The following MCC variants were observed in gnomAD, a reference collection of about 807,000 sequenced individuals.
MCC encodes the protein colorectal mutant cancer protein.
In MCC, 90 loss-of-function variants were observed where a neutral mutation model predicts 116.2. That is an observed-to-expected ratio of 0.77 (90% CI 0.65 to 0.92). The LOEUF is 0.92. Ranked by LOEUF, MCC falls within the 40% of genes least tolerant of loss-of-function variation. MCC has a pLI of 0.00. For missense variants in MCC, 1,516 were observed against 1,312.2 expected (o/e 1.16, Z -2.40); for synonymous variants, 578 against 510.5 (o/e 1.13, Z -1.78).
chr5:113,104,754 A>C (rs189598679), intron 6 of MCC: 91 of 159,504 alleles, frequency 5.7e-4, no homozygotes, highest in African/African-American at 2.0e-3. Context: ...AAGTCTCAGA[A>C]TGAGCAGAGA....
At chr5:113,451,861 C>T (rs1195301066) in intron 1 of MCC, among the ~76,000 whole-genome samples, 1 of 152,232 alleles carries the variant, frequency 6.6e-6, no homozygotes, top group Non-Finnish European at 1.5e-5. Flanking sequence ...CTTAAAAAAT[C>T]AGTGTGTTTA....
At chr5:113,294,447 C>T in intron 3 of MCC, 1 of 1,608,920 alleles carries the variant, frequency 6.2e-7, no homozygotes, top group African/African-American at 1.3e-5. Context: ...AGTTGGACTT[C>T]ACAGGCTCAA....
intron 3 of MCC, among the ~76,000 whole-genome samples, chr5:113,229,191 G>A (rs569569077): frequency 2.3e-4 from 35 of 152,204 alleles, no homozygotes; most frequent in Non-Finnish European, 4.6e-4. Context: ...CTGAAGAATC[G>A]GCAGAGACGA....
chr5:113,068,787 C>G (rs1025373149), intron 12 of MCC, among the ~76,000 whole-genome samples: 1 of 152,198 alleles, frequency 6.6e-6, no homozygotes, highest in African/African-American at 2.4e-5. Flanking sequence ...GTGAGTGAGC[C>G]TTCTTAGAGC....
intron 2 of MCC, among the ~76,000 whole-genome samples, chr5:113,349,912 T>C (rs779856112): frequency 6.6e-6 from 1 of 151,790 alleles, no homozygotes; most frequent in African/African-American, 2.4e-5. Flanking sequence ...ACAATCTGAA[T>C]AAAAATTTAA....
chr5:113,186,281 A>C, intron 3 of MCC, among the ~76,000 whole-genome samples: 1 of 151,772 alleles, frequency 6.6e-6, no homozygotes, highest in Admixed American at 6.5e-5. Flanking sequence ...GAACTTGAAA[A>C]CACAGTAAGT....
chr5:113,356,031 T>C (rs1768402090), intron 2 of MCC, among the ~76,000 whole-genome samples: 1 of 150,730 alleles, frequency 6.6e-6, no homozygotes, highest in Admixed American at 6.7e-5. Context: ...CTACAACAAC[T>C]ATTGGGTCCT....
intron 11 of MCC, among the ~76,000 whole-genome samples, chr5:113,082,404 G>C (rs1200630466): frequency 6.6e-6 from 1 of 152,216 alleles, no homozygotes; most frequent in East Asian, 1.9e-4. Context: ...AGTGCCTCTA[G>C]GATGCTGACT....
At chr5:113,252,504 C>G (rs1453316096) in intron 3 of MCC, among the ~76,000 whole-genome samples, 2 of 152,180 alleles carry the variant, frequency 1.3e-5, no homozygotes, top group African/African-American at 4.8e-5. Context: ...GCCATCACCC[C>G]CAGATGGGAC....
chr5:113,217,707 C>T (rs747184961), intron 3 of MCC, among the ~76,000 whole-genome samples: 60 of 152,262 alleles, frequency 3.9e-4, no homozygotes, highest in Non-Finnish European at 7.4e-4. Flanking sequence ...TCTGATGCTC[C>T]GGTTGCATGA....
At chr5:113,131,579 C>T (rs1758429980) in intron 5 of MCC, among the ~76,000 whole-genome samples, 1 of 152,132 alleles carries the variant, frequency 6.6e-6, no homozygotes, top group Non-Finnish European at 1.5e-5. Flanking sequence ...TAGTTCCATG[C>T]CTGCAAAATT....
intron 5 of MCC, among the ~76,000 whole-genome samples, chr5:113,135,507 C>G (rs576781754): frequency 1.5e-4 from 22 of 143,104 alleles, no homozygotes; most frequent in African/African-American, 4.7e-4. Flanking sequence ...TGAAGTGAAC[C>G]GAGATCGTGC....
intron 1 of MCC, among the ~76,000 whole-genome samples, chr5:113,392,397 G>A (rs1769423599): frequency 6.6e-6 from 1 of 152,026 alleles, no homozygotes; most frequent in Admixed American, 6.5e-5. Context: ...AGTATCTAAT[G>A]GATTGCCAAA....
chr5:113,055,486 T>A (rs552840456), intron 14 of MCC, among the ~76,000 whole-genome samples: 7 of 152,154 alleles, frequency 4.6e-5, no homozygotes, highest in Non-Finnish European at 7.4e-5. Flanking sequence ...TGGCTGGAGC[T>A]TTGCTGTTCA....
At chr5:113,175,887 C>A (rs1761308144) in intron 3 of MCC, among the ~76,000 whole-genome samples, 1 of 151,202 alleles carries the variant, frequency 6.6e-6, no homozygotes, top group Non-Finnish European at 1.5e-5. Flanking sequence ...CAGCATAGAT[C>A]TAGATTAAAA....
intron 3 of MCC, among the ~76,000 whole-genome samples, chr5:113,263,754 G>A (rs1765303006): frequency 1.3e-5 from 2 of 152,274 alleles, no homozygotes; most frequent in South Asian, 4.2e-4. Context: ...ATCTCCAGGA[G>A]CATCTTAATT....
At chr5:113,183,841 G>A (rs916521883) in intron 3 of MCC, among the ~76,000 whole-genome samples, 1 of 152,124 alleles carries the variant, frequency 6.6e-6, no homozygotes, top group Non-Finnish European at 1.5e-5. Context: ...GGGGGCCAAA[G>A]GAATAGAGGG....
At chr5:113,093,236 T>A (rs1755766366) in intron 8 of MCC, among the ~76,000 whole-genome samples, 1 of 152,222 alleles carries the variant, frequency 6.6e-6, no homozygotes, top group African/African-American at 2.4e-5. Context: ...TGAATGTGAC[T>A]AGTGAATATA....
chr5:113,183,139 G>T (rs1761714855), intron 3 of MCC, among the ~76,000 whole-genome samples: 1 of 152,044 alleles, frequency 6.6e-6, no homozygotes, highest in African/African-American at 2.4e-5. Context: ...ACGCAGTGGG[G>T]GCTCCAGATC....
Sources: allele counts gnomAD v4.1 joint callset (sites outside exome capture counted in the v4.1 genomes callset), GRCh38; gene constraint gnomAD v4.1.1; transcripts MANE v1.5; gene names NCBI Gene and HGNC (gene_info 2026-07-23, HGNC 2026-07-21).